TNFRSF8: variants seen among roughly 807,000 people sequenced by gnomAD.
The protein encoded by TNFRSF8 is TNF receptor superfamily member 8.
In TNFRSF8, 26 loss-of-function variants were observed where a neutral mutation model predicts 70.8. The observed-to-expected ratio is 0.37, with a 90% CI of 0.27 to 0.51. The LOEUF is 0.51. Ranked by LOEUF, TNFRSF8 falls within the 20% of genes least tolerant of loss-of-function variation. The pLI, the probability that TNFRSF8 is intolerant of heterozygous loss-of-function variation, is 0.94. For synonymous variants in TNFRSF8, 356 were observed against 339.2 expected, an observed-to-expected ratio of 1.05 and a Z score of -0.54; for missense variants, 720 against 807.9, an observed-to-expected ratio of 0.89 and a Z score of 1.32.
chr1:12,118,546 A>T (rs1031417469), intron 8 of TNFRSF8, among the ~76,000 whole-genome samples: 1 of 152,264 alleles, frequency 6.6e-6, no homozygotes, highest in Non-Finnish European at 1.5e-5. Flanking sequence ...GGAATAGAAG[A>T]GTACTTAGCA....
At chr1:12,081,754 C>G (rs563286171) in intron 1 of TNFRSF8, among the ~76,000 whole-genome samples, 1 of 152,340 alleles carries the variant, frequency 6.6e-6, no homozygotes, top group South Asian at 2.1e-4. Context: ...GGAAGCTTCA[C>G]TGCTCCCTCG....
intron 13 of TNFRSF8, among the ~76,000 whole-genome samples, chr1:12,137,179 C>T (rs1469921619): frequency 6.6e-6 from 1 of 152,126 alleles, no homozygotes. Flanking sequence ...GATCTGGAAG[C>T]TGAGGAATCT....
intron 2 of TNFRSF8, among the ~76,000 whole-genome samples, chr1:12,091,063 G>GT (rs1641240743): frequency 6.6e-6 from 1 of 152,208 alleles, no homozygotes; most frequent in South Asian, 2.1e-4. Flanking sequence ...CAGTCCATCT[G>GT]TAAGTCAGAG....
intron 1 of TNFRSF8, among the ~76,000 whole-genome samples, chr1:12,069,089 T>A (rs1297288685): frequency 6.7e-6 from 1 of 149,364 alleles, no homozygotes; most frequent in Non-Finnish European, 1.5e-5. Context: ...GCCAGGCTAG[T>A]CTCTAACTCC....
At chr1:12,084,893 T>C (rs959920432) in intron 2 of TNFRSF8, among the ~76,000 whole-genome samples, 1 of 152,168 alleles carries the variant, frequency 6.6e-6, no homozygotes, top group Non-Finnish European at 1.5e-5. Flanking sequence ...GATCCTTTAT[T>C]ACACTCAATT....
chr1:12,089,843 A>G (rs1325964053), intron 2 of TNFRSF8, among the ~76,000 whole-genome samples: 1 of 151,040 alleles, frequency 6.6e-6, no homozygotes, highest in Non-Finnish European at 1.5e-5. Context: ...CCATCTACCC[A>G]TCCACCCATC....
chr1:12,126,858 G>A (rs576350059), intron 12 of TNFRSF8, among the ~76,000 whole-genome samples: 3 of 152,384 alleles, frequency 2.0e-5, no homozygotes, highest in South Asian at 4.1e-4. Context: ...TAAGCGCATC[G>A]TGGAGTACCT....
intron 1 of TNFRSF8, among the ~76,000 whole-genome samples, chr1:12,067,177 T>C (rs886315637): frequency 1.3e-5 from 2 of 152,200 alleles, no homozygotes; most frequent in Non-Finnish European, 2.9e-5. Context: ...TCCATCCTTT[T>C]CATCCAGGCA....
In TNFRSF8 at chr1:12,126,180, C is replaced by T; in HGVS notation, c.1256-3C>T. The stretch of plus-strand genomic sequence containing the variant: ...CCCAGCCTTCCTCCTGGTGTCGTTT[C>T]AGAGCTCCACCTGTGCTACCCGGTC... On this transcript the variant is annotated splice_region_variant and splice_polypyrimidine_tract_variant and intron_variant, in intron 11 of 14. Coordinates refer to ENST00000263932, the MANE Select transcript of TNFRSF8 (RefSeq NM_001243.5). The T allele has an allele frequency of 6.2e-7, 1 of 1,614,144 alleles. No individual in the cohort carries two copies. Among genetic ancestry groups the T allele is most frequent in the Non-Finnish European group, 8.5e-7 (1 of 1,180,028 alleles).
chr1:12,100,774 T>G (rs1477197946), intron 3 of TNFRSF8, among the ~76,000 whole-genome samples: 1 of 152,112 alleles, frequency 6.6e-6, no homozygotes, highest in African/African-American at 2.4e-5. Flanking sequence ...TTGGCCAACA[T>G]GGTGAAACCC....
chr1:12,072,037 C>T (rs1229236659), intron 1 of TNFRSF8, among the ~76,000 whole-genome samples: 2 of 152,142 alleles, frequency 1.3e-5, no homozygotes, highest in African/African-American at 4.8e-5. Context: ...TTTTGTCAGC[C>T]TGTCAAGGTT....
At chr1:12,091,725 T>C (rs569689128) in intron 2 of TNFRSF8, among the ~76,000 whole-genome samples, 1 of 152,306 alleles carries the variant, frequency 6.6e-6, no homozygotes, top group Admixed American at 6.5e-5. Context: ...TACCTCAGGC[T>C]GAGTGGCTTA....
Position 12,109,713 on chromosome 1 carries a change from G to A in TNFRSF8, c.512+57G>A. 6.9e-7 allele frequency: 1 copy of A among 1,456,878 alleles called. No homozygotes were observed. Among genetic ancestry groups the A allele is most frequent in the Non-Finnish European group, 9.6e-7 (1 of 1,041,834 alleles). 90.2% of individuals were successfully genotyped at this position (1,456,878 alleles called of 1,614,324 possible). On this transcript the variant is annotated intron_variant, in intron 5 of 14. Transcript: ENST00000263932. This position sits in a 1 kb window ranked among gnomAD's most constrained non-coding sequence, Gnocchi z 4.4. ...CCCAAGCTGGCTTTCAGATGAGGCT[G>A]CCCCACCCCACAGGACGCCCATGGT...
At chr1:12,122,020 T>C (rs1044673746) in intron 8 of TNFRSF8, among the ~76,000 whole-genome samples, 6 of 152,016 alleles carry the variant, frequency 3.9e-5, no homozygotes, top group Non-Finnish European at 8.8e-5. Context: ...CACTCCTCTA[T>C]AGTGACATAA....
Position 12,108,368 on chromosome 1 carries a change from G to A in TNFRSF8, c.422-1198G>A, listed in dbSNP as rs531634720. Among the ~76,000 whole-genome samples, 5 of 151,886 alleles carry A rather than the reference G, an allele frequency of 3.3e-5. No individual in the cohort carries two copies. Among genetic ancestry groups the A allele is most frequent in the East Asian group, 3.9e-4 (2 of 5,108 alleles). Reference sequence around the variant, plus strand: ...GTTGGGATTACAGGTGTGAGCCACCGTGCCTGGCGACATACGGGTCACCTT... The same window carrying A: ...GTTGGGATTACAGGTGTGAGCCACCATGCCTGGCGACATACGGGTCACCTT... On this transcript the variant is annotated intron_variant, in intron 4 of 14. Transcript: ENST00000263932. This position sits in a 1 kb window ranked among gnomAD's most constrained non-coding sequence, Gnocchi z 4.0.
chr1:12,096,782 T>G (rs1641338609), intron 2 of TNFRSF8, among the ~76,000 whole-genome samples: 1 of 145,302 alleles, frequency 6.9e-6, no homozygotes. Flanking sequence ...ACACGTACTA[T>G]GTACCCTCAC....
chr1:12,069,307 T>C (rs1325821510), intron 1 of TNFRSF8, among the ~76,000 whole-genome samples: 2 of 150,680 alleles, frequency 1.3e-5, no homozygotes, highest in African/African-American at 2.4e-5. Context: ...GCCTCCCAAG[T>C]AGCTGGGATT....
intron 2 of TNFRSF8, among the ~76,000 whole-genome samples, chr1:12,095,333 G>T (rs973943054): frequency 2.6e-5 from 4 of 151,420 alleles, no homozygotes; most frequent in Non-Finnish European, 5.9e-5. Context: ...TGTTGCCCAG[G>T]CTGGAGTGCA....
chr1:12,111,798 G>C, intron 6 of TNFRSF8, 100 bp from the exon 7 acceptor site: 1 of 926,942 alleles, frequency 1.1e-6, no homozygotes, highest in Non-Finnish European at 1.8e-6. Flanking sequence ...CGGAGTTTGG[G>C]AGCTGGCCAC....
Sources: allele counts gnomAD v4.1 joint callset (sites outside exome capture counted in the v4.1 genomes callset), GRCh38; gene constraint gnomAD v4.1.1; non-coding constraint Gnocchi (gnomAD v3.1); transcripts MANE v1.5; gene names NCBI Gene and HGNC (gene_info 2026-07-23, HGNC 2026-07-21).